Variants in HELZ observed in about 807,000 individuals in gnomAD.
HELZ encodes the protein helicase with zinc finger, also known as ATP-dependent RNA helicase with zinc finger domain.
A neutral mutation model predicts 218.2 loss-of-function variants in HELZ; 23 were observed. The observed-to-expected ratio is 0.11, with a 90% confidence interval of 0.08 to 0.15. The LOEUF is 0.15. Among genes scored for constraint, HELZ ranks in the 10% least tolerant of loss-of-function variants. The probability of loss-of-function intolerance (pLI) is 1.00; values close to 1 mark genes in which losing one functional copy is unlikely to be tolerated. For synonymous variants in HELZ, 814 were observed against 829.4 expected, an observed-to-expected ratio of 0.98 and a Z score of 0.32; for missense variants, 1,813 against 2,353.7, an observed-to-expected ratio of 0.77 and a Z score of 4.75.
intron 2 of HELZ, among the ~76,000 whole-genome samples, chr17:67,241,865 T>C (rs2041322067): frequency 6.6e-6 from 1 of 152,216 alleles, no homozygotes; most frequent in Non-Finnish European, 1.5e-5. Context: ...CTATGGCATT[T>C]CCCATTTTAG....
At chr17:67,100,935 C>T (rs930219398) in intron 31 of HELZ, among the ~76,000 whole-genome samples, 2 of 151,808 alleles carry the variant, frequency 1.3e-5, no homozygotes, top group East Asian at 3.9e-4. Flanking sequence ...CCCGTCTCTA[C>T]TAAAAATATT....
intron 31 of HELZ, among the ~76,000 whole-genome samples, chr17:67,092,704 G>A (rs1477357621): frequency 6.6e-6 from 1 of 152,178 alleles, no homozygotes; most frequent in Non-Finnish European, 1.5e-5. Flanking sequence ...AGTGGTTCAC[G>A]CCTGTAATCC....
At chr17:67,230,739 G>A (rs1177769074) in intron 3 of HELZ, among the ~76,000 whole-genome samples, 1 of 151,936 alleles carries the variant, frequency 6.6e-6, no homozygotes, top group Admixed American at 6.6e-5. Context: ...TATCTGTGTA[G>A]ACACAGAATC....
intron 25 of HELZ, 41 bp downstream of exon 25, chr17:67,123,922 A>T: frequency 6.9e-7 from 1 of 1,459,106 alleles, no homozygotes; most frequent in Non-Finnish European, 9.6e-7. Flanking sequence ...AATCTCTTAC[A>T]TCATAAAAGC....
rs561959900 is a variant in HELZ at position 67,081,805 on chromosome 17, G to A, written c.5495-3219C>T. ...AAATTTCTGTATGTGTATGTGGGGC[G>A]GGGCAGGGGGGTGCAGGTACAGACA... On this transcript the variant is annotated intron_variant, in intron 32 of 32. Transcript: ENST00000358691. Among the ~76,000 whole-genome samples the A allele has an allele frequency of 1.1e-4, 16 of 152,336 alleles. 1 individual carries two copies. The South Asian group carries it at 1.2e-3, about 12-fold the overall frequency.
intron 31 of HELZ, among the ~76,000 whole-genome samples, chr17:67,092,560 G>A (rs1419864360): frequency 6.6e-6 from 1 of 152,146 alleles, no homozygotes; most frequent in Non-Finnish European, 1.5e-5. Context: ...AAAAATCCGG[G>A]AAAAACGAAG....
At chr17:67,205,452 A>G (rs898788378) in intron 5 of HELZ, among the ~76,000 whole-genome samples, 12 of 152,200 alleles carry the variant, frequency 7.9e-5, no homozygotes, top group African/African-American at 2.9e-4. Flanking sequence ...AGGTTGTGGT[A>G]AAGATTAATT....
chr17:67,164,520 G>A (rs1353430165), intron 15 of HELZ, among the ~76,000 whole-genome samples: 1 of 152,100 alleles, frequency 6.6e-6, no homozygotes, highest in Non-Finnish European at 1.5e-5. Flanking sequence ...AAGTTCTGGA[G>A]ATTGCACAAC....
chr17:67,244,690 C>A (rs1294646663), intron 1 of HELZ: 4 of 983,760 alleles, frequency 4.1e-6, no homozygotes, highest in African/African-American at 1.7e-5. Context: ...CAGCCCCCAC[C>A]CCACCCGGTG....
intron 3 of HELZ, chr17:67,225,059 G>A (rs1244821307): frequency 5.0e-6 from 3 of 595,774 alleles, no homozygotes; most frequent in Non-Finnish European, 9.2e-6. Flanking sequence ...CTTTTATTAT[G>A]AAGACAATAA....
At chr17:67,126,198 A>T (rs1487430199) in intron 24 of HELZ, among the ~76,000 whole-genome samples, 1 of 152,240 alleles carries the variant, frequency 6.6e-6, no homozygotes, top group East Asian at 1.9e-4. Flanking sequence ...TTGCCAGGTA[A>T]TCCATTTGTG....
chr17:67,215,521 G>A (rs555857536), intron 5 of HELZ, among the ~76,000 whole-genome samples: 17 of 152,158 alleles, frequency 1.1e-4, no homozygotes, highest in Non-Finnish European at 2.5e-4. Context: ...GCTAATTTTT[G>A]TAGTTTTAGT....
In HELZ at chr17:67,211,306, G is replaced by A. The variant is rs910215826; in HGVS notation, c.247+4593C>T. 4.9e-4 allele frequency among the ~76,000 whole-genome samples: 74 copies of A among 152,184 alleles called. 1 individual carries two copies. Among genetic ancestry groups the A allele is most frequent in the African/African-American group, 1.8e-3 (73 of 41,512 alleles). On this transcript the variant is annotated intron_variant, in intron 5 of 32. Transcript: ENST00000358691. ...TATGGACTGGACTTTAGATAGGTTA[G>A]GGAATTATTAGAGAATTATATCAAT...
intron 9 of HELZ, among the ~76,000 whole-genome samples, chr17:67,191,846 T>C (rs1243740016): frequency 6.6e-6 from 1 of 151,852 alleles, no homozygotes; most frequent in Non-Finnish European, 1.5e-5. Context: ...AGCCAGTTTT[T>C]AAATAAAAAT....
At chr17:67,125,610 C>T (rs1598277430) in intron 24 of HELZ, among the ~76,000 whole-genome samples, 1 of 152,110 alleles carries the variant, frequency 6.6e-6, no homozygotes, top group African/African-American at 2.4e-5. Context: ...CCAGGGACAA[C>T]TGCTTAGCAT....
intron 21 of HELZ, among the ~76,000 whole-genome samples, chr17:67,141,461 ATT>A (rs1274696715): frequency 4.0e-5 from 6 of 151,722 alleles, no homozygotes; most frequent in East Asian, 3.9e-4. Context: ...ATAAAAATAT[ATT>A]GAGTTTGTTA....
intron 31 of HELZ, among the ~76,000 whole-genome samples, chr17:67,088,041 T>A (rs771054186): frequency 1.3e-5 from 2 of 152,208 alleles, no homozygotes; most frequent in Non-Finnish European, 2.9e-5. Flanking sequence ...TAACATGAAT[T>A]ACCCACAGTC....
intron 21 of HELZ, among the ~76,000 whole-genome samples, chr17:67,145,245 A>C (rs750348950): frequency 6.6e-6 from 1 of 152,154 alleles, no homozygotes; most frequent in Non-Finnish European, 1.5e-5. Context: ...CTGACCCTTC[A>C]AACTACTCAC....
Position 67,218,832 on chromosome 17 carries a change from G to C in HELZ, c.-18-10C>G, listed in dbSNP as rs2040673162. 1 of 1,592,116 alleles carries C rather than the reference G, an allele frequency of 6.3e-7. No individual in the cohort carries two copies. Among genetic ancestry groups the C allele is most frequent in the Non-Finnish European group, 8.6e-7 (1 of 1,160,622 alleles). On this transcript the variant is annotated splice_polypyrimidine_tract_variant and intron_variant, in intron 3 of 32. Coordinates refer to ENST00000358691, the MANE Select transcript of HELZ (RefSeq NM_014877.4). ...CTCAGGGACAAAAATCCTACAGACA[G>C]GGAGAAAGAACAAGAGAAGGTTTTT...
Sources: gnomAD v4.1 joint callset for allele counts (sites outside exome capture counted in the v4.1 genomes callset) on GRCh38, gnomAD v4.1.1 for gene constraint, MANE v1.5 for transcripts, NCBI Gene and HGNC (gene_info 2026-07-23, HGNC 2026-07-21) for gene names.